TBC1D22A: variants seen among roughly 807,000 people sequenced by gnomAD.
The protein encoded by TBC1D22A is putative GTPase activator.
TBC1D22A carries 38 observed loss-of-function variants against 60.2 expected under a neutral mutation model. The ratio of observed to expected loss-of-function variants is 0.63; its 90% CI spans 0.49 to 0.83. The LOEUF is 0.83. Among genes scored for constraint, TBC1D22A ranks in the 40% least tolerant of loss-of-function variants. The pLI is 0.00. For missense variants in TBC1D22A, 628 were observed against 701.0 expected (o/e 0.90, Z 1.18); for synonymous variants, 302 against 281.7 (o/e 1.07, Z -0.72).
In TBC1D22A at chr22:46,878,717, C is replaced by T. The variant is rs1251542475; in HGVS notation, c.702C>T (p.Leu234=). 6.2e-7 allele frequency: 1 copy of T among 1,613,018 alleles called. No homozygotes were observed. The highest frequency in any genetic ancestry group is 1.7e-5 in the Admixed American group (1 of 60,016). Residue 234 remains leucine, a synonymous_variant, in exon 5 of 13, where the codon CTC becomes CTT. Transcript: ENST00000337137. ...CAGTGCGTCCAATGACGTGGAAGCT[C>T]CTCTCAGTAAGTCCCACCGCACCGC... ...PKPVRPMTWK[L]LSGYLPANVD...
chr22:47,118,814 TAC>T (rs2066167673), intron 12 of TBC1D22A, among the ~76,000 whole-genome samples: 1 of 103,188 alleles, frequency 9.7e-6, no homozygotes, highest in African/African-American at 3.5e-5. Flanking sequence ...CACACACACA[TAC>T]ATTTAAAAAA....
At chr22:47,000,536 G>A (rs552599695) in intron 10 of TBC1D22A, among the ~76,000 whole-genome samples, 7 of 152,322 alleles carry the variant, frequency 4.6e-5, no homozygotes, top group South Asian at 2.1e-4. Flanking sequence ...AATGGAAGCC[G>A]CGTGGAAAGG....
At chr22:47,124,605 C>T (rs1462762856) in intron 12 of TBC1D22A, among the ~76,000 whole-genome samples, 2 of 152,330 alleles carry the variant, frequency 1.3e-5, no homozygotes. Context: ...ATCAGCTGGG[C>T]ACGGGGTGCT....
intron 11 of TBC1D22A, among the ~76,000 whole-genome samples, chr22:47,040,402 G>C (rs1483230495): frequency 6.6e-6 from 1 of 152,158 alleles, no homozygotes; most frequent in African/African-American, 2.4e-5. Flanking sequence ...ATGAGATTTG[G>C]TGGGGACACA....
At chr22:47,065,642 A>G (rs2063733441) in intron 11 of TBC1D22A, among the ~76,000 whole-genome samples, 4 of 152,248 alleles carry the variant, frequency 2.6e-5, no homozygotes, top group Admixed American at 6.5e-5. Flanking sequence ...CGGAGTTGGG[A>G]CTGGGTTGGA....
In TBC1D22A at chr22:46,763,394, G is replaced by GTTTTTTTTTTTTTTTTT. The variant is rs61285872; in HGVS notation, c.62+564_62+580dup. On this transcript the variant is annotated intron_variant, in intron 1 of 12. Coordinates refer to ENST00000337137, the MANE Select transcript of TBC1D22A (RefSeq NM_014346.5). ...ACCTCCTATGTTGTGTTAGCAGGAA[G>GTTTTTTTTTTTTTTTTT]TTTTTTTTTTTTTTTTTTTTTTTTT... The GTTTTTTTTTTTTTTTTT allele has an allele frequency of 7.5e-5, 5 of 66,624 alleles. 1 individual carries two copies. Among genetic ancestry groups the GTTTTTTTTTTTTTTTTT allele is most frequent in the Admixed American group, 2.6e-4 (1 of 3,826 alleles). 4.1% of individuals were successfully genotyped at this position (66,624 alleles called of 1,614,324 possible). A position where few individuals can be genotyped will look rare whatever the true frequency, so the allele number is the denominator to read the frequency against.
intron 8 of TBC1D22A, among the ~76,000 whole-genome samples, chr22:46,949,230 C>T (rs553315057): frequency 6.6e-6 from 1 of 152,366 alleles, no homozygotes; most frequent in East Asian, 1.9e-4. Flanking sequence ...CACCCGAATA[C>T]CTGGAACCAC....
chr22:46,824,527 G>A (rs528308284), intron 4 of TBC1D22A, among the ~76,000 whole-genome samples: 8 of 152,216 alleles, frequency 5.3e-5, no homozygotes, highest in African/African-American at 1.9e-4. Context: ...GCCCCTGAGG[G>A]CGGTGGAAGG....
At chr22:46,962,766 A>G (rs1952776826) in intron 8 of TBC1D22A, among the ~76,000 whole-genome samples, 1 of 152,238 alleles carries the variant, frequency 6.6e-6, no homozygotes, top group Non-Finnish European at 1.5e-5. Context: ...TAGTCATGTA[A>G]CAGCTGAACA....
At chr22:46,878,599 G>A (rs962799488) in intron 4 of TBC1D22A, 54 bp from the exon 5 acceptor site, 34 of 1,545,992 alleles carry the variant, frequency 2.2e-5, no homozygotes, top group Non-Finnish European at 3.0e-5. Context: ...CACTGGGGAG[G>A]TTTGCTAACC....
intron 7 of TBC1D22A, among the ~76,000 whole-genome samples, chr22:46,909,295 T>TACACAC (rs142551402): frequency 0.25 from 37,589 of 150,506 alleles, 5,049 homozygotes; most frequent in East Asian, 0.61. Flanking sequence ...CCTATACACA[T>TACACAC]ACACACACAC....
chr22:46,958,036 G>C (rs192297623), intron 8 of TBC1D22A, among the ~76,000 whole-genome samples: 2 of 152,116 alleles, frequency 1.3e-5, no homozygotes, highest in African/African-American at 4.8e-5. Flanking sequence ...GAGTGATGGG[G>C]TAGGCCTGGG....
At chr22:46,935,596 C>G (rs1410870930) in intron 8 of TBC1D22A, among the ~76,000 whole-genome samples, 3 of 152,220 alleles carry the variant, frequency 2.0e-5, no homozygotes, top group East Asian at 3.9e-4. Flanking sequence ...TCCGTCTCGC[C>G]CCCCTCCTTT....
At chr22:47,140,325 A>C (rs2067031768) in intron 12 of TBC1D22A, among the ~76,000 whole-genome samples, 2 of 151,872 alleles carry the variant, frequency 1.3e-5, no homozygotes, top group African/African-American at 4.8e-5. Flanking sequence ...TAATCCCAGC[A>C]CTTTGGGAGG....
At chr22:47,039,919 G>A (rs927396004) in intron 11 of TBC1D22A, among the ~76,000 whole-genome samples, 1 of 147,498 alleles carries the variant, frequency 6.8e-6, no homozygotes, top group African/African-American at 2.6e-5. Flanking sequence ...GCAAGGCGTC[G>A]GGGAGGTGCC....
At chr22:47,095,410 T>A in intron 11 of TBC1D22A, among the ~76,000 whole-genome samples, 1 of 152,266 alleles carries the variant, frequency 6.6e-6, no homozygotes, top group East Asian at 1.9e-4. Context: ...GTTCCTTTTA[T>A]CACAGTTTCT....
intron 4 of TBC1D22A, among the ~76,000 whole-genome samples, chr22:46,847,140 C>T (rs2087037110): frequency 6.6e-6 from 1 of 152,166 alleles, no homozygotes; most frequent in Admixed American, 6.5e-5. Flanking sequence ...GGTGACCTCT[C>T]CCTCATTTTT....
intron 8 of TBC1D22A, among the ~76,000 whole-genome samples, chr22:46,964,393 G>A (rs2073697112): frequency 6.6e-6 from 1 of 152,188 alleles, no homozygotes; most frequent in African/African-American, 2.4e-5. Flanking sequence ...GCCTCTGCCA[G>A]CCAGGAAGGC....
Position 46,903,930 on chromosome 22 carries a change from C to T in TBC1D22A, c.901-8144C>T, listed in dbSNP as rs75725675. Among the ~76,000 whole-genome samples the T allele has an allele frequency of 6.7e-4, 102 of 152,218 alleles. No homozygotes were observed. In the East Asian group the frequency reaches 0.012, roughly 18 times the overall value. ...GGCTGCTGCCGAGTGCCCCGCTGCC[C>T]GTGGACGCACCTTCAAGGGAGGTGG... On this transcript the variant is annotated intron_variant, in intron 7 of 12. Transcript: ENST00000337137.
Sources: gnomAD v4.1 joint callset for allele counts (sites outside exome capture counted in the v4.1 genomes callset) on GRCh38, gnomAD v4.1.1 for gene constraint, MANE v1.5 for transcripts, NCBI Gene and HGNC (gene_info 2026-07-23, HGNC 2026-07-21) for gene names.